The following MYLK variants were observed in gnomAD, a reference collection of about 807,000 sequenced individuals.
MYLK encodes the protein myosin light chain kinase, smooth muscle.
Under a neutral mutation model 203.4 loss-of-function variants are expected in MYLK, and 106 were observed. The ratio of observed to expected loss-of-function variants is 0.52; its 90% confidence interval spans 0.45 to 0.61. The LOEUF (loss-of-function observed/expected upper bound fraction) is 0.61. Ranked by LOEUF, MYLK falls within the 20% of genes least tolerant of loss-of-function variation. The pLI is 0.00. For synonymous variants in MYLK, 867 were observed against 959.5 expected (o/e 0.90, Z 1.78); for missense variants, 2,072 against 2,442.3 (o/e 0.85, Z 3.20).
intron 3 of MYLK, among the ~76,000 whole-genome samples, chr3:123,799,289 G>C (rs935267181): frequency 6.6e-6 from 1 of 151,396 alleles, no homozygotes; most frequent in African/African-American, 2.4e-5. Flanking sequence ...TGAGTTAACT[G>C]GACTTTAATT....
At chr3:123,835,882 G>A (rs1485213041) in intron 2 of MYLK, 2 of 152,178 alleles carry the variant, frequency 1.3e-5, no homozygotes, top group African/African-American at 4.8e-5. Flanking sequence ...TTTGACTGTA[G>A]GTCATAAGAG....
At chr3:123,782,012 G>A (rs1326682630) in intron 4 of MYLK, among the ~76,000 whole-genome samples, 2 of 152,210 alleles carry the variant, frequency 1.3e-5, no homozygotes, top group South Asian at 2.1e-4. Context: ...AACTAGGCAT[G>A]TAAAACAGAG....
intron 19 of MYLK, chr3:123,692,351 C>T (rs1418173035): frequency 5.1e-6 from 6 of 1,174,286 alleles, no homozygotes; most frequent in South Asian, 1.7e-5. Flanking sequence ...CCTGCTGGGT[C>T]GTCCTGCCAG....
At chr3:123,825,995 C>G (rs2066105031) in intron 3 of MYLK, among the ~76,000 whole-genome samples, 1 of 152,244 alleles carries the variant, frequency 6.6e-6, no homozygotes, top group Non-Finnish European at 1.5e-5. Context: ...ACCTGAGAAA[C>G]AGCTCCATAA....
At chr3:123,670,952 C>G (rs1373371874) in intron 20 of MYLK, among the ~76,000 whole-genome samples, 1 of 152,224 alleles carries the variant, frequency 6.6e-6, no homozygotes, top group Non-Finnish European at 1.5e-5. Flanking sequence ...TGTCCTCACT[C>G]AAACAGCAGT....
At chr3:123,630,630 T>G (rs3732491) in intron 29 of MYLK, 1 of 152,134 alleles carries the variant, frequency 6.6e-6, no homozygotes, top group Non-Finnish European at 1.5e-5. Flanking sequence ...TCTGTAAAGA[T>G]GAAGTAAATT....
At chr3:123,759,774 T>C (rs2063476553) in intron 4 of MYLK, among the ~76,000 whole-genome samples, 1 of 152,224 alleles carries the variant, frequency 6.6e-6, no homozygotes, top group Admixed American at 6.5e-5. Context: ...ACTTAGCCTA[T>C]CTGCAGCCGT....
chr3:123,864,372 C>T (rs1289616220), intron 2 of MYLK, among the ~76,000 whole-genome samples: 1 of 152,052 alleles, frequency 6.6e-6, no homozygotes, highest in Non-Finnish European at 1.5e-5. Context: ...ATAACGTAAA[C>T]AATATTCAAC....
chr3:123,843,716 G>T (rs1169592391), intron 2 of MYLK, among the ~76,000 whole-genome samples: 1 of 152,132 alleles, frequency 6.6e-6, no homozygotes, highest in African/African-American at 2.4e-5. Context: ...CAAGAAACAG[G>T]AAGGAAGGGG....
rs575264921 is a variant in MYLK, at chr3:123,716,888, CTTT to C, written c.1804+5237_1804+5239del. Among the ~76,000 whole-genome samples the C allele has an allele frequency of 9.2e-5, 14 of 152,302 alleles. No individual in the cohort carries two copies. The South Asian group carries it at 2.9e-3, about 32-fold the overall frequency. ...AACGTACATGTATATGCTCAGAAGT[CTTT>C]CTGTAACACAAAGAACCCATGTGGT... On this transcript the variant is annotated intron_variant, in intron 13 of 33. Coordinates refer to ENST00000360304, the MANE Select transcript of MYLK (RefSeq NM_053025.4).
At chr3:123,872,791 G>A (rs573676918) in intron 2 of MYLK, among the ~76,000 whole-genome samples, 35 of 152,272 alleles carry the variant, frequency 2.3e-4, no homozygotes, top group Non-Finnish European at 4.4e-4. Context: ...TTGATTAGGA[G>A]TTTTTATGGA....
chr3:123,714,153 C>T (rs948110486), intron 13 of MYLK, among the ~76,000 whole-genome samples: 5 of 152,170 alleles, frequency 3.3e-5, no homozygotes, highest in Admixed American at 2.0e-4. Flanking sequence ...CTCAACATCT[C>T]GGAAGTATTG....
At chr3:123,664,035 C>A (rs574805917) in intron 23 of MYLK, 70 bp downstream of exon 23, 3 of 1,602,376 alleles carry the variant, frequency 1.9e-6, no homozygotes, top group Non-Finnish European at 2.6e-6. Flanking sequence ...CTGAGGCCCA[C>A]GTATCTTGCC....
chr3:123,625,806 C>CAA lies in MYLK; in HGVS notation c.5238+1010_5238+1011dup, dbSNP rs11288924. 5.5e-4 allele frequency among the ~76,000 whole-genome samples: 52 copies of CAA among 95,060 alleles called. No individual in the cohort carries two copies. The South Asian group carries it at 0.011, about 21-fold the overall frequency. 62.4% of individuals were successfully genotyped at this position (95,060 alleles called of 152,430 possible). A position where few individuals can be genotyped will look rare whatever the true frequency, so the allele number is the denominator to read the frequency against. On this transcript the variant is annotated intron_variant, in intron 31 of 33. Coordinates refer to ENST00000360304, the MANE Select transcript of MYLK (RefSeq NM_053025.4). ...TGGGCAACAGAGCGAGACTCCATCT[C>CAA]AAAAAAAAAAAAAAAAGAATTGTAA...
At chr3:123,657,623 T>C (rs1301856516) in intron 23 of MYLK, among the ~76,000 whole-genome samples, 195 bp from the exon 24 acceptor site, 2 of 152,218 alleles carry the variant, frequency 1.3e-5, no homozygotes, top group South Asian at 2.1e-4. Flanking sequence ...AAGCCCCATG[T>C]ATAATTATTT....
chr3:123,780,839 A>G (rs1379075674), intron 4 of MYLK, among the ~76,000 whole-genome samples: 1 of 152,200 alleles, frequency 6.6e-6, no homozygotes, highest in Non-Finnish European at 1.5e-5. Flanking sequence ...ACAAAGATGA[A>G]TAAGAGATTG....
At chr3:123,867,876 A>G (rs1293945682) in intron 2 of MYLK, among the ~76,000 whole-genome samples, 1 of 151,800 alleles carries the variant, frequency 6.6e-6, no homozygotes, top group African/African-American at 2.4e-5. Context: ...GCCTCCCCCA[A>G]CACCACTCCT....
At chr3:123,753,895 G>T (rs897614582) in intron 4 of MYLK, among the ~76,000 whole-genome samples, 3 of 152,166 alleles carry the variant, frequency 2.0e-5, no homozygotes, top group Non-Finnish European at 4.4e-5. Flanking sequence ...GAATGGATAC[G>T]GATGAAGCAA....
Position 123,657,443 on chromosome 3 carries a change from G to T in MYLK, c.3986-15C>A. The T allele has an allele frequency of 6.2e-7, 1 of 1,612,260 alleles. No individual in the cohort carries two copies. Among genetic ancestry groups the T allele is most frequent in the Non-Finnish European group, 8.5e-7 (1 of 1,179,782 alleles). ...GTCTGGCTTATCTGGGGATAAAGAA[G>T]CACAACATCACCCACACTTTCCAGA... On this transcript the variant is annotated splice_polypyrimidine_tract_variant and intron_variant, in intron 23 of 33. Transcript: ENST00000360304.
Sources: allele counts gnomAD v4.1 joint callset (sites outside exome capture counted in the v4.1 genomes callset), GRCh38; gene constraint gnomAD v4.1.1; transcripts MANE v1.5; gene names NCBI Gene and HGNC (gene_info 2026-07-23, HGNC 2026-07-21).